ASTN1: variants seen among roughly 807,000 people sequenced by gnomAD.
ASTN1 encodes the protein astrotactin-1.
In ASTN1, 41 loss-of-function variants were observed where a neutral mutation model predicts 140.7. The ratio of observed to expected loss-of-function variants is 0.29; its 90% CI spans 0.23 to 0.38. The LOEUF (loss-of-function observed/expected upper bound fraction) is 0.38. Ranked by LOEUF, ASTN1 falls within the 10% of genes least tolerant of loss-of-function variation. The probability of loss-of-function intolerance (pLI) is 1.00; values close to 1 mark genes in which losing one functional copy is unlikely to be tolerated. For synonymous variants in ASTN1, 640 were observed against 652.2 expected (o/e 0.98, Z 0.29); for missense variants, 1,479 against 1,678.8 (o/e 0.88, Z 2.08).
At chr1:177,155,374 A>G (rs1181101889) in intron 1 of ASTN1, among the ~76,000 whole-genome samples, 1 of 152,098 alleles carries the variant, frequency 6.6e-6, no homozygotes, top group South Asian at 2.1e-4. Flanking sequence ...AAAAGAAATC[A>G]TTTAGGAGAT....
At chr1:177,148,090 T>C (rs1682797594) in intron 1 of ASTN1, among the ~76,000 whole-genome samples, 1 of 152,160 alleles carries the variant, frequency 6.6e-6, no homozygotes, top group African/African-American at 2.4e-5. Context: ...TTCTTTATCA[T>C]TTACATCACT....
intron 12 of ASTN1, among the ~76,000 whole-genome samples, chr1:176,948,311 G>A (rs1041860232): frequency 7.1e-6 from 1 of 141,168 alleles, no homozygotes. Context: ...AGAGGGGGGA[G>A]AATGGAGAGT....
At chr1:177,043,250 A>G (rs892176489) in intron 2 of ASTN1, among the ~76,000 whole-genome samples, 2 of 152,200 alleles carry the variant, frequency 1.3e-5, no homozygotes, top group Admixed American at 6.5e-5. Context: ...TGGGAGACCT[A>G]AGAAGAACAA....
intron 1 of ASTN1, among the ~76,000 whole-genome samples, chr1:177,140,726 A>C (rs1469166291): frequency 6.6e-6 from 1 of 152,192 alleles, no homozygotes; most frequent in East Asian, 1.9e-4. Context: ...GTATAGAGAG[A>C]TAAGGTACCA....
intron 1 of ASTN1, among the ~76,000 whole-genome samples, chr1:177,113,173 C>T (rs1016417075): frequency 4.6e-5 from 7 of 152,086 alleles, no homozygotes; most frequent in South Asian, 2.1e-4. Context: ...CAGGGAGGCA[C>T]GGGGGCAGTC....
chr1:177,152,698 A>G (rs1358889785), intron 1 of ASTN1, among the ~76,000 whole-genome samples: 1 of 152,130 alleles, frequency 6.6e-6, no homozygotes, highest in African/African-American at 2.4e-5. Flanking sequence ...AGCTTTTGTT[A>G]TTCTTCTTCT....
chr1:177,019,217 G>A (rs1240843103), intron 7 of ASTN1, among the ~76,000 whole-genome samples: 2 of 152,138 alleles, frequency 1.3e-5, no homozygotes, highest in Non-Finnish European at 2.9e-5. Flanking sequence ...TGTAAAATGG[G>A]AATAAGAGTA....
At chr1:177,031,249 C>T (rs1676426758) in intron 3 of ASTN1, among the ~76,000 whole-genome samples, 1 of 152,156 alleles carries the variant, frequency 6.6e-6, no homozygotes, top group African/African-American at 2.4e-5. Context: ...AACCCTTTGG[C>T]TAAATACAGA....
chr1:176,977,548 G>A (rs1466199038), intron 8 of ASTN1, among the ~76,000 whole-genome samples: 2 of 152,208 alleles, frequency 1.3e-5, no homozygotes, highest in African/African-American at 4.8e-5. Context: ...AACAAGGATG[G>A]CAAGTAGAGA....
chr1:176,914,918 T>G (rs1670417474), intron 16 of ASTN1, among the ~76,000 whole-genome samples: 1 of 152,178 alleles, frequency 6.6e-6, no homozygotes, highest in Non-Finnish European at 1.5e-5. Context: ...TAATAAAAAC[T>G]CAGAATCTTT....
chr1:176,953,852 A>G (rs1441665797), intron 11 of ASTN1, among the ~76,000 whole-genome samples: 1 of 152,206 alleles, frequency 6.6e-6, no homozygotes, highest in Non-Finnish European at 1.5e-5. Context: ...TCACCTGTGT[A>G]CATTCTTACG....
rs75787672 is a variant in ASTN1, at chr1:176,952,379, C to T, written c.1888-3028G>A. On this transcript the variant is annotated intron_variant, in intron 11 of 22. Coordinates refer to ENST00000361833, the MANE Select transcript of ASTN1 (RefSeq NM_004319.3). ...AAACATTATAAAGTGTCCAGAGTGACGACCTTGATGGCGAGTCAAGATCCT... is the reference window on the plus strand; with the variant it reads ...AAACATTATAAAGTGTCCAGAGTGATGACCTTGATGGCGAGTCAAGATCCT... Among the ~76,000 whole-genome samples, 398 of 151,784 alleles carry T rather than the reference C, an allele frequency of 2.6e-3. 1 individual carries two copies. The highest frequency in any genetic ancestry group is 9.1e-3 in the African/African-American group (375 of 41,326).
At chr1:177,067,485 C>A (rs1476477867) in intron 1 of ASTN1, among the ~76,000 whole-genome samples, 1 of 152,084 alleles carries the variant, frequency 6.6e-6, no homozygotes, top group Non-Finnish European at 1.5e-5. Flanking sequence ...CTCTTCTGTT[C>A]TTTTTTTCCT....
chr1:177,097,205 C>A (rs1477591332), intron 1 of ASTN1, among the ~76,000 whole-genome samples: 1 of 152,178 alleles, frequency 6.6e-6, no homozygotes, highest in East Asian at 1.9e-4. Context: ...TCATCACTAT[C>A]ATTTATTGAA....
At chr1:177,046,029 GTTC>G (rs1204254048) in intron 2 of ASTN1, among the ~76,000 whole-genome samples, 2 of 152,218 alleles carry the variant, frequency 1.3e-5, no homozygotes, top group Non-Finnish European at 2.9e-5. Flanking sequence ...GGATGGAGAA[GTTC>G]TTCTTAACTT....
chr1:176,958,895 A>G (rs1355576177), intron 9 of ASTN1, among the ~76,000 whole-genome samples: 2 of 152,148 alleles, frequency 1.3e-5, no homozygotes, highest in Non-Finnish European at 2.9e-5. Flanking sequence ...TCTCTCTGTG[A>G]CTGGAGGAAC....
At chr1:176,861,061 A>G (rs1001992352), downstream of ASTN1, 3 of 945,842 alleles carry the variant, frequency 3.2e-6, no homozygotes, top group African/African-American at 5.3e-5. Context: ...ACATCCACAT[A>G]CCCAATGCTT....
At chr1:177,039,602 A>G (rs1000344852) in intron 2 of ASTN1, among the ~76,000 whole-genome samples, 5 of 152,194 alleles carry the variant, frequency 3.3e-5, no homozygotes, top group African/African-American at 1.2e-4. Flanking sequence ...AACTAGACTT[A>G]AATTACTAGC....
At chr1:176,948,488 C>T (rs1409450171) in intron 12 of ASTN1, among the ~76,000 whole-genome samples, 1 of 152,154 alleles carries the variant, frequency 6.6e-6, no homozygotes, top group African/African-American at 2.4e-5. Context: ...GGCCTGAATC[C>T]AGTCGTAATC....
Sources: allele counts gnomAD v4.1 joint callset (sites outside exome capture counted in the v4.1 genomes callset), GRCh38; gene constraint gnomAD v4.1.1; transcripts MANE v1.5; gene names NCBI Gene and HGNC (gene_info 2026-07-23, HGNC 2026-07-21).